LARGE1: variants seen among roughly 807,000 people sequenced by gnomAD.
The protein encoded by LARGE1 is xylosyl- and glucuronyltransferase LARGE1.
A neutral mutation model predicts 87.6 loss-of-function variants in LARGE1; 43 were observed. The ratio of observed to expected loss-of-function variants is 0.49; its 90% confidence interval spans 0.38 to 0.63. The LOEUF (loss-of-function observed/expected upper bound fraction) is 0.63, where lower values mean the gene tolerates loss of function less well. Among genes scored for constraint, LARGE1 ranks in the 30% least tolerant of loss-of-function variants. The pLI is 0.00. For missense variants in LARGE1, 802 were observed against 1,000.2 expected, an observed-to-expected ratio of 0.80 and a Z score of 2.67; for synonymous variants, 434 against 394.6, an observed-to-expected ratio of 1.10 and a Z score of -1.18.
In LARGE1 at chr22:33,273,472, G is replaced by A; in HGVS notation, c.*955C>T. 1 of 398,664 alleles carries A rather than the reference G, an allele frequency of 2.5e-6. No individual in the cohort carries two copies. Among genetic ancestry groups the A allele is most frequent in the East Asian group, 3.6e-5 (1 of 28,080 alleles). 24.7% of individuals were successfully genotyped at this position (398,664 alleles called of 1,614,324 possible). ...CCTGAGAGGTTCGTACCTTGTGTGT[G>A]CACTGAAGTAGTTCCTTCAAAGCCC... On this transcript the variant is annotated 3_prime_UTR_variant, in exon 15 of 15. Coordinates refer to ENST00000397394, the MANE Select transcript of LARGE1 (RefSeq NM_133642.5).
intron 11 of LARGE1, among the ~76,000 whole-genome samples, chr22:33,178,341 C>T (rs1453750009): frequency 6.6e-6 from 1 of 152,140 alleles, no homozygotes; most frequent in Non-Finnish European, 1.5e-5. Flanking sequence ...TTGATCTGAA[C>T]ACTGGAGTCT....
rs71187256 is a variant in LARGE1 at position 33,258,878 on chromosome 22, CTTTTTTT to C, written c.1730+45344_1730+45350del. 5.6e-5 allele frequency among the ~76,000 whole-genome samples: 8 copies of C among 142,460 alleles called. No individual in the cohort carries two copies. In the East Asian group the frequency reaches 1.4e-3, roughly 25 times the overall value. 93.5% of individuals were successfully genotyped at this position (142,460 alleles called of 152,430 possible). A position where few individuals can be genotyped will look rare whatever the true frequency, so the allele number is the denominator to read the frequency against. ...CCTTGATATAAACTTTATGTTTCTT[CTTTTTTT>C]TTTTTTTTCCAAGACATAGTCTTGC... On this transcript the variant is annotated intron_variant, in intron 11 of 11. Transcript: ENST00000608642.
intron 6 of LARGE1, among the ~76,000 whole-genome samples, chr22:33,491,116 T>C (rs981756250): frequency 7.2e-5 from 11 of 152,128 alleles, no homozygotes; most frequent in Non-Finnish European, 1.2e-4. Context: ...CAAAGCTGCT[T>C]TCAGGGCAGT....
In LARGE1 at chr22:33,449,163, C is replaced by T. The variant is rs531299857; in HGVS notation, c.788-16898G>A. Among the ~76,000 whole-genome samples the T allele has an allele frequency of 6.6e-5, 10 of 152,036 alleles. No individual in the cohort carries two copies. In the East Asian group the frequency reaches 7.7e-4, roughly 12 times the overall value. ...GAGTGGAATCAAGACTTCTGTTTTC[C>T]GTAAGTTAAGCCTGAGATCCAAGCT... On this transcript the variant is annotated intron_variant, in intron 6 of 14. Coordinates refer to ENST00000397394, the MANE Select transcript of LARGE1 (RefSeq NM_133642.5).
chr22:33,479,347 T>C (rs2069212798), intron 6 of LARGE1, among the ~76,000 whole-genome samples: 2 of 151,864 alleles, frequency 1.3e-5, no homozygotes, highest in South Asian at 4.2e-4. Context: ...AAATGATGGG[T>C]GGATAAAATG....
the LARGE1 span, among the ~76,000 whole-genome samples, chr22:33,129,257 T>C: frequency 6.6e-6 from 1 of 152,210 alleles, no homozygotes; most frequent in Admixed American, 6.5e-5. Context: ...AGAGGTGACA[T>C]TACAAAGGGG....
rs71187275 is a variant in LARGE1 at position 33,651,225 on chromosome 22, C to CAAAAAAAAAAAAAAAAAAAAAAAAAAAAA, written c.107-558_107-557insTTTTTTTTTTTTTTTTTTTTTTTTTTTTT. Among the ~76,000 whole-genome samples, 52 of 56,554 alleles carry CAAAAAAAAAAAAAAAAAAAAAAAAAAAAA rather than the reference C, an allele frequency of 9.2e-4. 9 individuals are homozygous for CAAAAAAAAAAAAAAAAAAAAAAAAAAAAA. Among genetic ancestry groups the CAAAAAAAAAAAAAAAAAAAAAAAAAAAAA allele is most frequent in the South Asian group, 2.3e-3 (3 of 1,310 alleles). 37.1% of individuals were successfully genotyped at this position (56,554 alleles called of 152,430 possible). Reference sequence around the variant, plus strand: ...TGAAACCCGGTCTCTACTAAAAATACAAAAAAAAAAAAAAAAATTAGCCGG... The same window carrying CAAAAAAAAAAAAAAAAAAAAAAAAAAAAA: ...TGAAACCCGGTCTCTACTAAAAATACAAAAAAAAAAAAAAAAAAAAAAAAAAAAAAAAAAAAAAAAAAAAAATTAGCCGG... On this transcript the variant is annotated intron_variant, in intron 2 of 14. Coordinates refer to ENST00000397394, the MANE Select transcript of LARGE1 (RefSeq NM_133642.5).
At chr22:33,391,746 AC>A (rs1243581805) in intron 7 of LARGE1, among the ~76,000 whole-genome samples, 4 of 149,126 alleles carry the variant, frequency 2.7e-5, no homozygotes, top group African/African-American at 7.4e-5. Flanking sequence ...ATAATTATCC[AC>A]AGGTTATTTC....
intron 2 of LARGE1, chr22:33,750,933 T>C (rs1351137453): frequency 6.6e-6 from 1 of 152,218 alleles, no homozygotes; most frequent in Non-Finnish European, 1.5e-5. Flanking sequence ...AAGAAAAGTT[T>C]CATTCTTAAA....
chr22:33,881,166 T>C (rs1006456889), intron 1 of LARGE1, among the ~76,000 whole-genome samples: 2 of 152,176 alleles, frequency 1.3e-5, no homozygotes, highest in South Asian at 2.1e-4. Context: ...AGATGCCTTC[T>C]TGTGTACCAG....
intron 1 of LARGE1, among the ~76,000 whole-genome samples, chr22:33,854,587 A>C (rs2146533995): frequency 6.6e-6 from 1 of 152,344 alleles, no homozygotes; most frequent in South Asian, 2.1e-4. Flanking sequence ...AGTAAAAATA[A>C]GACATTATGA....
chr22:33,703,447 C>A (rs1010199972), intron 2 of LARGE1, among the ~76,000 whole-genome samples: 4 of 151,886 alleles, frequency 2.6e-5, no homozygotes, highest in Non-Finnish European at 5.9e-5. Flanking sequence ...CCTGATAATT[C>A]CTGAAATTTG....
intron 5 of LARGE1, among the ~76,000 whole-genome samples, chr22:33,581,358 G>T (rs1276466887): frequency 6.6e-6 from 1 of 152,192 alleles, no homozygotes; most frequent in African/African-American, 2.4e-5. Context: ...TTCACATTTT[G>T]ATACCTTTGT....
At chr22:33,542,577 G>A (rs2077244006) in intron 6 of LARGE1, among the ~76,000 whole-genome samples, 1 of 149,618 alleles carries the variant, frequency 6.7e-6, no homozygotes, top group South Asian at 2.2e-4. Context: ...GTATCTAGTA[G>A]GCTTGGATAG....
chr22:33,194,924 A>G (rs1274387097), intron 11 of LARGE1, among the ~76,000 whole-genome samples: 1 of 152,190 alleles, frequency 6.6e-6, no homozygotes, highest in African/African-American at 2.4e-5. Flanking sequence ...GCTATTCCCC[A>G]AATCTCTAGA....
chr22:33,341,245 G>C (rs1024404268), intron 9 of LARGE1, among the ~76,000 whole-genome samples: 1 of 152,046 alleles, frequency 6.6e-6, no homozygotes, highest in Non-Finnish European at 1.5e-5. Context: ...AAAAGGTGCT[G>C]ACTATGAACC....
intron 2 of LARGE1, among the ~76,000 whole-genome samples, chr22:33,701,040 G>C (rs2082391997): frequency 6.6e-6 from 1 of 152,162 alleles, no homozygotes; most frequent in Non-Finnish European, 1.5e-5. Flanking sequence ...TGCGGGCTCT[G>C]ATTCATAATC....
the LARGE1 span, chr22:33,116,418 G>C: frequency 1.3e-5 from 2 of 152,044 alleles, no homozygotes; most frequent in South Asian, 2.1e-4. Context: ...GCAGTGGCTC[G>C]ATCTCGGCTC....
intron 6 of LARGE1, among the ~76,000 whole-genome samples, chr22:33,439,469 C>T (rs1407354681): frequency 6.6e-6 from 1 of 152,144 alleles, no homozygotes; most frequent in Admixed American, 6.5e-5. Flanking sequence ...TGTCCCTTCG[C>T]TGATGTACTC....
Sources: allele counts gnomAD v4.1 joint callset (sites outside exome capture counted in the v4.1 genomes callset), GRCh38; gene constraint gnomAD v4.1.1; transcripts MANE v1.5; gene names NCBI Gene and HGNC (gene_info 2026-07-23, HGNC 2026-07-21).